ATP8A2: variants seen among roughly 807,000 people sequenced by gnomAD.
The protein encoded by ATP8A2 is phospholipid-transporting ATPase IB.
In ATP8A2, 100 loss-of-function variants were observed where a neutral mutation model predicts 165.6. That is an observed-to-expected ratio of 0.60 (90% CI 0.51 to 0.71). The LOEUF (loss-of-function observed/expected upper bound fraction) is 0.71. Among genes scored for constraint, ATP8A2 ranks in the 30% least tolerant of loss-of-function variants. ATP8A2 has a pLI of 0.00. For synonymous variants in ATP8A2, 543 were observed against 548.8 expected (o/e 0.99, Z 0.15); for missense variants, 1,227 against 1,479.5 (o/e 0.83, Z 2.80).
intron 27 of ATP8A2, among the ~76,000 whole-genome samples, chr13:25,809,965 A>G (rs1402916791): frequency 6.6e-6 from 1 of 152,194 alleles, no homozygotes; most frequent in African/African-American, 2.4e-5. Context: ...AGAGAGGACC[A>G]TGTCAGCTGT....
At chr13:25,544,565 C>T (rs1160056472) in intron 10 of ATP8A2, among the ~76,000 whole-genome samples, 1 of 152,118 alleles carries the variant, frequency 6.6e-6, no homozygotes, top group Non-Finnish European at 1.5e-5. Context: ...GTTGGAGTTG[C>T]TGAGTGACAG....
rs546691302 is a variant in ATP8A2, at chr13:25,470,758, A to G, written c.221+1637A>G. On this transcript the variant is annotated intron_variant, in intron 2 of 36. Transcript: ENST00000381655. ...AATAAATAAGATGAAGTATATCCAT[A>G]CAGTGCAATATTATTGGGCCATAAA... Among the ~76,000 whole-genome samples the G allele has an allele frequency of 5.9e-5, 9 of 152,366 alleles. No individual in the cohort carries two copies. In the South Asian group the frequency reaches 1.0e-3, roughly 18 times the overall value.
intron 25 of ATP8A2, among the ~76,000 whole-genome samples, chr13:25,759,757 A>G (rs1412721809): frequency 6.6e-6 from 1 of 152,148 alleles, no homozygotes; most frequent in Admixed American, 6.5e-5. Context: ...ACAGGAAGAG[A>G]CAGACTATAA....
At chr13:26,004,191 C>A (rs1016376151) in intron 35 of ATP8A2, among the ~76,000 whole-genome samples, 4 of 152,044 alleles carry the variant, frequency 2.6e-5, no homozygotes, top group Admixed American at 2.6e-4. Context: ...GCAATTATTT[C>A]ATCAGTGTTT....
chr13:25,938,813 A>G (rs975374199), intron 33 of ATP8A2, among the ~76,000 whole-genome samples: 1 of 151,632 alleles, frequency 6.6e-6, no homozygotes, highest in African/African-American at 2.4e-5. Flanking sequence ...TTCCAGAGAC[A>G]ATGCATTGGA....
At chr13:25,414,635 G>T (rs61947566) in intron 1 of ATP8A2, among the ~76,000 whole-genome samples, 1 of 152,058 alleles carries the variant, frequency 6.6e-6, no homozygotes, top group South Asian at 2.1e-4. Flanking sequence ...TGTACTTTAC[G>T]TGTATGTCAC....
At chr13:25,401,771 T>A (rs1593258403) in intron 1 of ATP8A2, among the ~76,000 whole-genome samples, 1 of 152,326 alleles carries the variant, frequency 6.6e-6, no homozygotes, top group East Asian at 1.9e-4. Context: ...GTTTAATTTA[T>A]AAATTAGGCA....
In ATP8A2 at chr13:25,528,189, G is replaced by A. The variant is rs546019799; in HGVS notation, c.222-1810G>A. On this transcript the variant is annotated intron_variant, in intron 2 of 36. Coordinates refer to ENST00000381655, the MANE Select transcript of ATP8A2 (RefSeq NM_016529.6). The stretch of plus-strand genomic sequence containing the variant: ...ACAGTGACATCCTGTTATGCCACAG[G>A]GCCACTTAAACAAGGAGGAGATCCA... Among the ~76,000 whole-genome samples the A allele has an allele frequency of 3.4e-4, 52 of 152,100 alleles. 1 individual carries two copies. The highest frequency in any genetic ancestry group is 1.2e-4 in the Non-Finnish European group (8 of 68,024).
Position 25,563,839 on chromosome 13 carries a change from T to C in ATP8A2, c.1398-117T>C, listed in dbSNP as rs2039232950. 4.7e-6 allele frequency: 3 copies of C among 637,094 alleles called. No homozygotes were observed. The South Asian group carries it at 6.1e-5, about 13-fold the overall frequency. 39.5% of individuals were successfully genotyped at this position (637,094 alleles called of 1,614,324 possible). A position where few individuals can be genotyped will look rare whatever the true frequency, so the allele number is the denominator to read the frequency against. On this transcript the variant is annotated intron_variant, in intron 15 of 36. Coordinates refer to ENST00000381655, the MANE Select transcript of ATP8A2 (RefSeq NM_016529.6). Reference sequence around the variant, plus strand: ...GAATTTCAAGTCTTTAAAAGTTTAATGTGAATCCCTATAGGACTTTAGGTA... The same window carrying C: ...GAATTTCAAGTCTTTAAAAGTTTAACGTGAATCCCTATAGGACTTTAGGTA...
intron 24 of ATP8A2, among the ~76,000 whole-genome samples, chr13:25,643,297 A>C (rs1291625657): frequency 1.3e-5 from 2 of 152,126 alleles, no homozygotes; most frequent in Admixed American, 6.6e-5. Context: ...GTTCCTCTTC[A>C]CTGCTGTGTA....
intron 35 of ATP8A2, among the ~76,000 whole-genome samples, chr13:25,990,870 T>C (rs552629799): frequency 3.9e-5 from 6 of 152,316 alleles, no homozygotes; most frequent in African/African-American, 1.4e-4. Context: ...GGCATTTTGC[T>C]TGGGGTCTCT....
chr13:25,374,330 G>A (rs2032537493), intron 1 of ATP8A2, among the ~76,000 whole-genome samples: 1 of 152,192 alleles, frequency 6.6e-6, no homozygotes, highest in South Asian at 2.1e-4. Context: ...ATATCATTGT[G>A]GGGAAGAACG....
intron 1 of ATP8A2, among the ~76,000 whole-genome samples, chr13:25,376,299 A>G (rs2032623998): frequency 6.6e-6 from 1 of 152,196 alleles, no homozygotes; most frequent in African/African-American, 2.4e-5. Context: ...AAAGATAATA[A>G]TCTAATTTCT....
chr13:25,407,368 A>G (rs2033834888), intron 1 of ATP8A2, among the ~76,000 whole-genome samples: 2 of 152,212 alleles, frequency 1.3e-5, no homozygotes, highest in Admixed American at 1.3e-4. Context: ...CTCACTAGTA[A>G]AAGTTAAAAC....
chr13:25,638,965 GA>G (rs2041442904), intron 24 of ATP8A2, among the ~76,000 whole-genome samples: 1 of 152,178 alleles, frequency 6.6e-6, no homozygotes, highest in South Asian at 2.1e-4. Flanking sequence ...CATTCTTAAA[GA>G]AAAGAATTTT....
chr13:25,577,955 T>A (rs1340620121), intron 20 of ATP8A2, among the ~76,000 whole-genome samples: 1 of 152,196 alleles, frequency 6.6e-6, no homozygotes, highest in Non-Finnish European at 1.5e-5. Context: ...AAAGGCATTA[T>A]ATTTGGACTC....
At chr13:25,937,779 G>A (rs1954949203) in intron 33 of ATP8A2, among the ~76,000 whole-genome samples, 1 of 150,494 alleles carries the variant, frequency 6.6e-6, no homozygotes. Flanking sequence ...AACCCGGGAG[G>A]CGGAGCTTGT....
intron 33 of ATP8A2, among the ~76,000 whole-genome samples, chr13:25,923,696 A>G (rs1019376225): frequency 5.9e-5 from 9 of 151,586 alleles, no homozygotes; most frequent in Admixed American, 1.3e-4. Flanking sequence ...CAAAATAATA[A>G]AAAAAAATGG....
At chr13:25,824,218 C>G (rs903958220) in intron 27 of ATP8A2, among the ~76,000 whole-genome samples, 17 of 152,284 alleles carry the variant, frequency 1.1e-4, no homozygotes, top group African/African-American at 4.1e-4. Context: ...GTGATCCACC[C>G]TCCTTGGCCT....
Sources: allele counts gnomAD v4.1 joint callset (sites outside exome capture counted in the v4.1 genomes callset), GRCh38; gene constraint gnomAD v4.1.1; transcripts MANE v1.5; gene names NCBI Gene and HGNC (gene_info 2026-07-23, HGNC 2026-07-21).